Variants in HS6ST3 observed in about 807,000 individuals in gnomAD.
HS6ST3 encodes heparan-sulfate 6-O-sulfotransferase 3.
Under a neutral mutation model 36.7 loss-of-function variants are expected in HS6ST3, and 12 were observed. That is an observed-to-expected ratio of 0.33 (90% CI 0.21 to 0.53). The LOEUF (loss-of-function observed/expected upper bound fraction) is 0.53. Among genes scored for constraint, HS6ST3 ranks in the 20% least tolerant of loss-of-function variants. The pLI is 0.95. For missense variants in HS6ST3, 584 were observed against 640.9 expected, an observed-to-expected ratio of 0.91 and a Z score of 0.96; for synonymous variants, 240 against 257.5, an observed-to-expected ratio of 0.93 and a Z score of 0.65.
At chr13:96,127,436 T>C (rs1425707616) in intron 1 of HS6ST3, among the ~76,000 whole-genome samples, 1 of 152,210 alleles carries the variant, frequency 6.6e-6, no homozygotes, top group African/African-American at 2.4e-5. Flanking sequence ...CCTATGAGAA[T>C]CTAATGCTGC....
At chr13:96,594,910 T>C (rs2056395974) in intron 1 of HS6ST3, among the ~76,000 whole-genome samples, 1 of 152,246 alleles carries the variant, frequency 6.6e-6, no homozygotes, top group African/African-American at 2.4e-5. Context: ...TTTATGGTAC[T>C]GATGAACTTC....
At chr13:96,648,497 T>TC (rs1491435860) in intron 1 of HS6ST3, among the ~76,000 whole-genome samples, 1 of 131,422 alleles carries the variant, frequency 7.6e-6, no homozygotes, top group African/African-American at 2.8e-5. Flanking sequence ...TTTTTTTTTT[T>TC]ATTTTATTTT....
At chr13:96,593,790 G>A (rs563701678) in intron 1 of HS6ST3, among the ~76,000 whole-genome samples, 4 of 151,604 alleles carry the variant, frequency 2.6e-5, no homozygotes, top group African/African-American at 9.7e-5. Context: ...GAAATTCTTT[G>A]TCTCTTTTTG....
intron 1 of HS6ST3, among the ~76,000 whole-genome samples, chr13:96,594,143 T>C (rs1368670529): frequency 6.6e-6 from 1 of 152,110 alleles, no homozygotes; most frequent in African/African-American, 2.4e-5. Context: ...AGGCTAATTT[T>C]GTATTTTTAG....
intron 1 of HS6ST3, among the ~76,000 whole-genome samples, chr13:96,154,019 G>A (rs905374472): frequency 6.6e-6 from 1 of 152,190 alleles, no homozygotes. Context: ...TGTAATATGG[G>A]AAAGCTAATA....
chr13:96,833,107 G>A lies in HS6ST3; in HGVS notation c.1325G>A (p.Arg442Gln), dbSNP rs562169523. ...CGGCGGGAGGAGCGGAGGCTGCAGC[G>A]AGAGCACAGGGACCACCAGTGGCCC... The part of the protein sequence containing the change: ...QKRREERRLQ[R>Q]EHRDHQWPKE... The change falls in exon 2 of 2, where the codon CGA becomes CAA. Residue 442 changes from arginine to glutamine, a missense_variant. Arg to Gln is a conservative substitution (Grantham distance 43). Coordinates refer to ENST00000376705, the MANE Select transcript of HS6ST3 (RefSeq NM_153456.4). 4.4e-6 allele frequency: 7 copies of A among 1,605,438 alleles called. No homozygotes were observed. The highest frequency in any genetic ancestry group is 2.2e-5 in the East Asian group (1 of 44,856).
intron 1 of HS6ST3, among the ~76,000 whole-genome samples, chr13:96,283,561 A>C (rs535455248): frequency 3.7e-4 from 57 of 152,286 alleles, no homozygotes; most frequent in African/African-American, 1.4e-3. Flanking sequence ...CCCTAGAGGG[A>C]ATAGTGTCCT....
At chr13:96,403,553 A>G (rs1039182167) in intron 1 of HS6ST3, among the ~76,000 whole-genome samples, 1 of 152,160 alleles carries the variant, frequency 6.6e-6, no homozygotes, top group Non-Finnish European at 1.5e-5. Flanking sequence ...TGACTTAATC[A>G]TTTCCTTCCT....
At chr13:96,566,646 A>AAAG (rs1330084873) in intron 1 of HS6ST3, among the ~76,000 whole-genome samples, 1 of 152,176 alleles carries the variant, frequency 6.6e-6, no homozygotes, top group African/African-American at 2.4e-5. Flanking sequence ...TGTAAGAGAA[A>AAAG]AAGTGAACCA....
chr13:96,368,936 T>C (rs2055276346), intron 1 of HS6ST3, among the ~76,000 whole-genome samples: 1 of 152,108 alleles, frequency 6.6e-6, no homozygotes, highest in African/African-American at 2.4e-5. Context: ...GTAAGGGACA[T>C]GTTTGTCCCC....
intron 1 of HS6ST3, among the ~76,000 whole-genome samples, chr13:96,256,621 G>A (rs568873149): frequency 6.6e-6 from 1 of 152,306 alleles, no homozygotes; most frequent in East Asian, 1.9e-4. Flanking sequence ...TTGTTGCATA[G>A]TTAATAAGTA....
At chr13:96,174,525 A>G (rs1481401013) in intron 1 of HS6ST3, among the ~76,000 whole-genome samples, 1 of 152,108 alleles carries the variant, frequency 6.6e-6, no homozygotes, top group Admixed American at 6.6e-5. Context: ...ACATGCCACC[A>G]TGCCTGGTAT....
chr13:96,681,469 A>T (rs1046090700), intron 1 of HS6ST3, among the ~76,000 whole-genome samples: 1 of 152,172 alleles, frequency 6.6e-6, no homozygotes, highest in Non-Finnish European at 1.5e-5. Flanking sequence ...CCCAAAAAGC[A>T]AACTGATCCT....
chr13:96,389,199 A>C (rs2139450559), intron 1 of HS6ST3, among the ~76,000 whole-genome samples: 1 of 152,262 alleles, frequency 6.6e-6, no homozygotes, highest in African/African-American at 2.4e-5. Context: ...GTAAGACATG[A>C]TGACTGTGGT....
chr13:96,136,796 C>T (rs989171095), intron 1 of HS6ST3, among the ~76,000 whole-genome samples: 5 of 150,192 alleles, frequency 3.3e-5, no homozygotes, highest in South Asian at 2.1e-4. Flanking sequence ...AGGATATTTG[C>T]ATTTGCAATG....
Position 96,090,548 on chromosome 13 carries a change from C to A in HS6ST3, c.-315C>A, listed in dbSNP as rs1171717330. Among the ~76,000 whole-genome samples the A allele has an allele frequency of 4.8e-5, 7 of 146,304 alleles. No homozygotes were observed. Among genetic ancestry groups the A allele is most frequent in the Middle Eastern group, 3.5e-3 (1 of 288 alleles). On this transcript the variant is annotated 5_prime_UTR_variant, in exon 1 of 2. Coordinates refer to ENST00000376705, the MANE Select transcript of HS6ST3 (RefSeq NM_153456.4). ...AAGCCGCCGGCGGGATGCCGCGCGT[C>A]GCCTGAGAGAGCCGCGCCGGGGCGG... is the stretch of plus-strand genomic sequence containing the variant.
At chr13:96,293,330 G>A (rs542524323) in intron 1 of HS6ST3, among the ~76,000 whole-genome samples, 3 of 152,084 alleles carry the variant, frequency 2.0e-5, no homozygotes, top group Admixed American at 6.6e-5. Flanking sequence ...GGCCATAAGT[G>A]GATTAATCAC....
At chr13:96,579,261 A>G (rs1258404769) in intron 1 of HS6ST3, among the ~76,000 whole-genome samples, 2 of 152,156 alleles carry the variant, frequency 1.3e-5, no homozygotes, top group Non-Finnish European at 2.9e-5. Context: ...GTTATTTTCT[A>G]TAGGGATTCT....
At chr13:96,291,021 T>C (rs1004005847) in intron 1 of HS6ST3, among the ~76,000 whole-genome samples, 3 of 152,238 alleles carry the variant, frequency 2.0e-5, no homozygotes, top group Non-Finnish European at 2.9e-5. Context: ...AGCAACCTTT[T>C]CTGTGAAGTC....
Sources: allele counts gnomAD v4.1 joint callset (sites outside exome capture counted in the v4.1 genomes callset), GRCh38; gene constraint gnomAD v4.1.1; transcripts MANE v1.5; gene names NCBI Gene and HGNC (gene_info 2026-07-23, HGNC 2026-07-21).